The following KCNT1 variants were observed in gnomAD, a reference collection of about 807,000 sequenced individuals.
The protein encoded by KCNT1 is potassium channel subfamily T member 1.
In KCNT1, 78 loss-of-function variants were observed where a neutral mutation model predicts 147.8. The ratio of observed to expected loss-of-function variants is 0.53; its 90% CI spans 0.44 to 0.64. KCNT1 has a LOEUF of 0.64. Among genes scored for constraint, KCNT1 ranks in the 30% least tolerant of loss-of-function variants. The probability of loss-of-function intolerance (pLI) is 0.00; values close to 1 mark genes in which losing one functional copy is unlikely to be tolerated. For missense variants in KCNT1, 1,419 were observed against 1,750.3 expected (o/e 0.81, Z 3.38); for synonymous variants, 867 against 748.8 (o/e 1.16, Z -2.58).
In KCNT1 at chr9:135,732,176, G is replaced by A. The variant is rs143288739; in HGVS notation, c.254+17456G>A. The stretch of plus-strand genomic sequence containing the variant: ...TGGGATTACAGGTGCCCACCACCAC[G>A]TCCAGCTAATTTTTGTATTTTTAGT... On this transcript the variant is annotated intron_variant, in intron 2 of 30. Transcript: ENST00000371757. Among the ~76,000 whole-genome samples the A allele has an allele frequency of 4.4e-3, 664 of 151,324 alleles. 3 individuals carry two copies. The highest frequency in any genetic ancestry group is 0.014 in the African/African-American group (566 of 41,220).
chr9:135,710,532 A>C (rs1835442608), intron 1 of KCNT1, among the ~76,000 whole-genome samples: 1 of 152,158 alleles, frequency 6.6e-6, no homozygotes, highest in Non-Finnish European at 1.5e-5. Flanking sequence ...TTCCAATACC[A>C]TAGGACGAGG....
intron 24 of KCNT1, among the ~76,000 whole-genome samples, chr9:135,782,287 C>T (rs72770399): frequency 0.11 from 17,328 of 152,210 alleles, 1,303 homozygotes; most frequent in South Asian, 0.18. Flanking sequence ...GGGCTGGCTC[C>T]AGAAGGCTCT....
At chr9:135,786,658 C>T (rs915840372) in intron 29 of KCNT1, 137 bp downstream of exon 29, 8 of 865,082 alleles carry the variant, frequency 9.2e-6, no homozygotes, top group Non-Finnish European at 1.4e-5. Flanking sequence ...GTCAGCCTTT[C>T]TGGCCACCCT....
intron 2 of KCNT1, among the ~76,000 whole-genome samples, chr9:135,740,830 G>A (rs569518635): frequency 1.3e-5 from 2 of 152,176 alleles, no homozygotes; most frequent in African/African-American, 2.4e-5. Context: ...TGGGACAGGC[G>A]AGCATCAGGG....
chr9:135,741,842 G>A (rs1292775907), intron 2 of KCNT1, among the ~76,000 whole-genome samples: 4 of 152,242 alleles, frequency 2.6e-5, no homozygotes. Context: ...TTAAAAGAGA[G>A]AGGTCCCTCT....
chr9:135,742,961 C>T (rs1444751854), intron 2 of KCNT1: 2 of 637,114 alleles, frequency 3.1e-6, no homozygotes, highest in East Asian at 5.5e-5. Flanking sequence ...CCGCTGGTGC[C>T]TCTGGGTCCC....
chr9:135,728,940 TC>T (rs1836325021), intron 2 of KCNT1, among the ~76,000 whole-genome samples: 1 of 152,142 alleles, frequency 6.6e-6, no homozygotes, highest in Non-Finnish European at 1.5e-5. Flanking sequence ...TTGAACTGTG[TC>T]CCCCAAGATT....
chr9:135,777,386 A>G lies in KCNT1; in HGVS notation c.2398A>G (p.Asn800Asp). ...AGACGCCAAGGCCTACGGGTTCAAG[A>G]ACAAGCTGATCATCGTCTCGGCAGA... Reference protein sequence around the residue: ...YEDAKAYGFKNKLIIVSAETA... With the variant: ...YEDAKAYGFKDKLIIVSAETA... Residue 800 changes from asparagine to aspartate, a missense_variant, in exon 21 of 31, where the codon AAC (asparagine) becomes GAC (aspartate). By Grantham distance (23) the Asn-to-Asp change is conservative. Transcript: ENST00000371757. The G allele has an allele frequency of 6.2e-7, 1 of 1,614,106 alleles. No homozygotes were observed. The highest frequency in any genetic ancestry group is 8.5e-7 in the Non-Finnish European group (1 of 1,179,974).
intron 1 of KCNT1, among the ~76,000 whole-genome samples, chr9:135,712,926 C>G (rs1311920901): frequency 6.6e-6 from 1 of 152,240 alleles, no homozygotes; most frequent in African/African-American, 2.4e-5. Flanking sequence ...CAGGCCACAT[C>G]TGGGGAGCAG....
Position 135,730,620 on chromosome 9 carries a change from G to C in KCNT1, c.254+15900G>C, listed in dbSNP as rs75680124. On this transcript the variant is annotated intron_variant, in intron 2 of 30. Coordinates refer to ENST00000371757, the MANE Select transcript of KCNT1 (RefSeq NM_020822.3). This position sits in a 1 kb window ranked among gnomAD's most constrained non-coding sequence, Gnocchi z 4.7. ...AGGCAAGGAAATGGACCCCTCCCTGGGACTCCAGAAGGAGCCAGCCCTGCC... is the reference window on the plus strand; with the variant it reads ...AGGCAAGGAAATGGACCCCTCCCTGCGACTCCAGAAGGAGCCAGCCCTGCC... 4.8e-3 allele frequency among the ~76,000 whole-genome samples: 737 copies of C among 152,264 alleles called. 1 individual carries two copies. Among genetic ancestry groups the C allele is most frequent in the Non-Finnish European group, 8.0e-3 (545 of 68,034 alleles).
rs1319006868 is a variant in KCNT1, at chr9:135,714,983, C to T, written c.254+263C>T. Among the ~76,000 whole-genome samples the T allele has an allele frequency of 6.6e-6, 1 of 152,212 alleles. No homozygotes were observed. Among genetic ancestry groups the T allele is most frequent in the Non-Finnish European group, 1.5e-5 (1 of 68,030 alleles). ...CAGAGCCCGACTTGGGGCGCGGAGG[C>T]GGAGGGCGGCCTGGCCTTCCGGTGT... On this transcript the variant is annotated intron_variant, in intron 2 of 30. Transcript: ENST00000371757. This position sits in a 1 kb window ranked among gnomAD's most constrained non-coding sequence, Gnocchi z 6.2.
At chr9:135,771,661 C>T (rs1013270416) in intron 18 of KCNT1, among the ~76,000 whole-genome samples, 1 of 152,234 alleles carries the variant, frequency 6.6e-6, no homozygotes, top group Non-Finnish European at 1.5e-5. Flanking sequence ...GGCCTCTTCT[C>T]GTGCCTTCAG....
chr9:135,761,662 A>T (rs10118073), intron 11 of KCNT1, among the ~76,000 whole-genome samples: 1 of 152,164 alleles, frequency 6.6e-6, no homozygotes. Context: ...CCCACACTTC[A>T]CCACGTGGCC....
intron 24 of KCNT1, 58 bp downstream of exon 24, chr9:135,779,528 AAG>A (rs1833452336): frequency 9.9e-6 from 13 of 1,315,572 alleles, no homozygotes; most frequent in South Asian, 3.5e-5. Flanking sequence ...GAGTGGGAGA[AAG>A]GGGCTCAGGG....
Position 135,779,374 on chromosome 9 carries a change from C to G in KCNT1, c.2745C>G (p.Leu915=). The change falls in exon 24 of 31, where the codon CTC becomes CTG. Residue 915 remains leucine, a synonymous_variant. Coordinates refer to ENST00000371757, the MANE Select transcript of KCNT1 (RefSeq NM_020822.3). ...VQTMFRLFPS[L]SITTELTHPS... Reference sequence around the variant, plus strand: ...CCTCCCCCAGGCTCTTCCCCAGCCTCAGCATCACCACGGAGCTCACCCACC... The same window carrying G: ...CCTCCCCCAGGCTCTTCCCCAGCCTGAGCATCACCACGGAGCTCACCCACC... 1 of 1,613,656 alleles carries G rather than the reference C, an allele frequency of 6.2e-7. No homozygotes were observed. The highest frequency in any genetic ancestry group is 8.5e-7 in the Non-Finnish European group (1 of 1,179,796).
intron 29 of KCNT1, chr9:135,791,416 T>C: frequency 4.2e-6 from 1 of 238,710 alleles, no homozygotes; most frequent in African/African-American, 2.3e-5. Context: ...AAGGCATGCA[T>C]GCATGTGAGG....
chr9:135,714,734 G>A lies in KCNT1; in HGVS notation c.254+14G>A. On this transcript the variant is annotated intron_variant, in intron 2 of 30. Transcript: ENST00000371757. The surrounding 1 kb of genome is among the most constrained non-coding windows in gnomAD (Gnocchi z 6.2). ...GAACGACGACAGGTAGGGACCGGGCGCGGGGTGGGGGCTGGGGTCGCCGTC... is the reference window on the plus strand; with the variant it reads ...GAACGACGACAGGTAGGGACCGGGCACGGGGTGGGGGCTGGGGTCGCCGTC... The A allele has an allele frequency of 2.2e-6, 3 of 1,356,342 alleles. No homozygotes were observed. Among genetic ancestry groups the A allele is most frequent in the Admixed American group, 2.6e-5 (1 of 38,532 alleles). The allele number at this position is 1,356,342 out of a possible 1,614,324, so 84.0% of individuals were successfully genotyped here. A position where few individuals can be genotyped will look rare whatever the true frequency, so the allele number is the denominator to read the frequency against.
chr9:135,764,162 C>G (rs184681427), intron 11 of KCNT1, among the ~76,000 whole-genome samples: 1 of 152,288 alleles, frequency 6.6e-6, no homozygotes, highest in East Asian at 1.9e-4. Flanking sequence ...GTTCATTTAA[C>G]ACGTGTTCAA....
chr9:135,723,923 G>A (rs765162947), intron 2 of KCNT1, among the ~76,000 whole-genome samples: 1 of 152,202 alleles, frequency 6.6e-6, no homozygotes, highest in Non-Finnish European at 1.5e-5. Context: ...TCCCAGACCA[G>A]TGTCCGTTCC....
Sources: allele counts gnomAD v4.1 joint callset (sites outside exome capture counted in the v4.1 genomes callset), GRCh38; gene constraint gnomAD v4.1.1; non-coding constraint Gnocchi (gnomAD v3.1); transcripts MANE v1.5; gene names NCBI Gene and HGNC (gene_info 2026-07-23, HGNC 2026-07-21).